Variants in AK4 observed in about 807,000 individuals in gnomAD.
The protein encoded by AK4 is adenylate kinase 4.
Under a neutral mutation model 24.6 loss-of-function variants are expected in AK4, and 13 were observed. The ratio of observed to expected loss-of-function variants is 0.53; its 90% CI spans 0.34 to 0.84. The LOEUF is 0.84. AK4 is among the 40% of genes least tolerant of loss of function. The pLI is 0.01. For synonymous variants in AK4, 88 were observed against 107.0 expected (o/e 0.82, Z 1.10); for missense variants, 192 against 288.2 (o/e 0.67, Z 2.42).
At chr1:65,198,080 G>A (rs1222545425) in intron 2 of AK4, among the ~76,000 whole-genome samples, 2 of 152,128 alleles carry the variant, frequency 1.3e-5, no homozygotes, top group South Asian at 2.1e-4. Context: ...GTGTAGGAGG[G>A]CAGTAGTTTA....
At chr1:65,202,807 G>A (rs373171468) in intron 2 of AK4, among the ~76,000 whole-genome samples, 1 of 149,992 alleles carries the variant, frequency 6.7e-6, no homozygotes, top group African/African-American at 2.4e-5. Context: ...GATAGAAAAA[G>A]CATGGGTTTA....
intron 2 of AK4, among the ~76,000 whole-genome samples, chr1:65,209,296 A>G (rs976469258): frequency 2.0e-5 from 3 of 152,230 alleles, no homozygotes; most frequent in Non-Finnish European, 2.9e-5. Flanking sequence ...TACTTCTTCA[A>G]CAATTAATGG....
At chr1:65,190,453 G>T (rs1018948018) in intron 1 of AK4, among the ~76,000 whole-genome samples, 2 of 148,698 alleles carry the variant, frequency 1.3e-5, no homozygotes, top group South Asian at 2.2e-4. Flanking sequence ...TTTTTTTGGG[G>T]GGGGGGCGGG....
intron 2 of AK4, among the ~76,000 whole-genome samples, chr1:65,197,601 T>C (rs945172548): frequency 5.9e-5 from 9 of 152,220 alleles, no homozygotes; most frequent in Admixed American, 2.0e-4. Context: ...TGTTTGAATG[T>C]GTGCAGTGTT....
At chr1:65,196,415 A>C (rs560422973) in intron 2 of AK4, among the ~76,000 whole-genome samples, 1 of 152,110 alleles carries the variant, frequency 6.6e-6, no homozygotes, top group Non-Finnish European at 1.5e-5. Context: ...AAAAAAGTTC[A>C]GCACTACCTT....
intron 1 of AK4, among the ~76,000 whole-genome samples, chr1:65,178,463 G>C (rs1297415372): frequency 6.6e-6 from 1 of 152,140 alleles, no homozygotes; most frequent in Non-Finnish European, 1.5e-5. Flanking sequence ...TTACTCAGCT[G>C]GGGGCCCACA....
chr1:65,148,489 A>G lies in AK4; in HGVS notation c.82A>G (p.Asn28Asp). 2 of 1,582,780 alleles carry G rather than the reference A, an allele frequency of 1.3e-6. No homozygotes were observed. The highest frequency in any genetic ancestry group is 1.7e-6 in the Non-Finnish European group (2 of 1,165,190). The change falls in exon 1 of 5, where the codon AAC (asparagine) becomes GAC (aspartate). Residue 28 changes from asparagine to aspartate, a missense_variant. Coordinates refer to ENST00000327299, the MANE Select transcript of AK4 (RefSeq NM_013410.4). Reference sequence around the variant, plus strand: ...CACCGTGTGCCAGAGGATCGCCCAGAACTTTGGTCTCCAGCATCTCTCCAG... The same window carrying G: ...CACCGTGTGCCAGAGGATCGCCCAGGACTTTGGTCTCCAGCATCTCTCCAG... ...KGTVCQRIAQ[N>D]FGLQHLSSGH...
intron 1 of AK4, among the ~76,000 whole-genome samples, chr1:65,152,313 GCTATCT>G (rs1408824451): frequency 6.4e-4 from 40 of 62,898 alleles, no homozygotes; most frequent in African/African-American, 2.4e-3. Flanking sequence ...TTCTGCACTT[GCTATCT>G]CTCTCTCTCT....
intron 1 of AK4, among the ~76,000 whole-genome samples, chr1:65,184,891 A>G (rs532245524): frequency 4.1e-4 from 63 of 152,332 alleles, no homozygotes; most frequent in Non-Finnish European, 6.2e-4. Flanking sequence ...TTGATCTTGT[A>G]TCAGGTTAGA....
At chr1:65,202,391 C>T (rs1016469191) in intron 2 of AK4, among the ~76,000 whole-genome samples, 7 of 151,938 alleles carry the variant, frequency 4.6e-5, no homozygotes, top group Non-Finnish European at 7.4e-5. Flanking sequence ...AGTGAGACTC[C>T]GTCTCAAAAA....
intron 1 of AK4, among the ~76,000 whole-genome samples, chr1:65,188,950 A>AT (rs981733553): frequency 3.6e-4 from 53 of 146,368 alleles, no homozygotes; most frequent in Non-Finnish European, 5.6e-4. Context: ...TTTTATTTTT[A>AT]TTTTTTTTGC....
chr1:65,218,703 T>C (rs1347144500), intron 2 of AK4, 51 bp from the exon 3 acceptor site: 1 of 1,496,800 alleles, frequency 6.7e-7, no homozygotes, highest in South Asian at 1.4e-5. Context: ...CAAGAACTAA[T>C]TGGAACTGGG....
At chr1:65,224,642 A>G (rs1303467736) in intron 3 of AK4, 110 bp from the exon 4 acceptor site, 1 of 774,094 alleles carries the variant, frequency 1.3e-6, no homozygotes, top group Non-Finnish European at 2.2e-6. Context: ...GGCCTAATTC[A>G]TCATGTGGTA....
chr1:65,200,896 G>A (rs915429667), intron 2 of AK4, among the ~76,000 whole-genome samples: 1 of 151,880 alleles, frequency 6.6e-6, no homozygotes, highest in African/African-American at 2.4e-5. Context: ...TTGGGTTCAA[G>A]CGATTCTCCT....
At position 65,226,810 on chromosome 1, in the gene AK4, T is replaced by C. The variant is rs1381325913; in HGVS notation, c.*633T>C. 1.4e-5 allele frequency: 2 copies of C among 145,948 alleles called. No individual in the cohort carries two copies. The highest frequency in any genetic ancestry group is 3.0e-5 in the Non-Finnish European group (2 of 67,508). The allele number at this position is 145,948 out of a possible 1,614,324, so 9.0% of individuals were successfully genotyped here. A position where few individuals can be genotyped will look rare whatever the true frequency, so the allele number is the denominator to read the frequency against. Reference sequence around the variant, plus strand: ...CCTGGGATGAAAGAATTTGGCTTTTTTTTTTCTTTTTTTTTTTGGACATCT... The same window carrying C: ...CCTGGGATGAAAGAATTTGGCTTTTCTTTTTCTTTTTTTTTTTGGACATCT... On this transcript the variant is annotated 3_prime_UTR_variant, in exon 5 of 5. Coordinates refer to ENST00000327299, the MANE Select transcript of AK4 (RefSeq NM_013410.4).
intron 2 of AK4, among the ~76,000 whole-genome samples, chr1:65,205,572 G>A (rs1013356266): frequency 2.0e-5 from 3 of 152,030 alleles, no homozygotes; most frequent in African/African-American, 7.2e-5. Flanking sequence ...TTTTCACCCC[G>A]TATAGACTTT....
chr1:65,205,776 T>G (rs961439331), intron 2 of AK4, among the ~76,000 whole-genome samples: 3 of 152,250 alleles, frequency 2.0e-5, no homozygotes, highest in Admixed American at 2.0e-4. Flanking sequence ...TATTGGATAT[T>G]CTATTGACTA....
At chr1:65,191,693 G>C (rs1651314888) in intron 2 of AK4, among the ~76,000 whole-genome samples, 1 of 152,002 alleles carries the variant, frequency 6.6e-6, no homozygotes, top group Admixed American at 6.6e-5. Flanking sequence ...TGGTGGAACT[G>C]GATTTTGTTG....
chr1:65,229,737 CTTACCTA>C lies in AK4; in HGVS notation c.*3562_*3568del. 1 of 152,352 alleles carries C rather than the reference CTTACCTA, an allele frequency of 6.6e-6. No individual in the cohort carries two copies. Among genetic ancestry groups the C allele is most frequent in the East Asian group, 1.9e-4 (1 of 5,172 alleles). The allele number at this position is 152,352 out of a possible 1,614,324, so 9.4% of individuals were successfully genotyped here. A position where few individuals can be genotyped will look rare whatever the true frequency, so the allele number is the denominator to read the frequency against. ...CTATGAAGGAAGCAAGCTCGTGTTCCTTACCTATCCTTTTGGTGTCCATTGGATTGTG... is the reference window on the plus strand; with the variant it reads ...CTATGAAGGAAGCAAGCTCGTGTTCCTCCTTTTGGTGTCCATTGGATTGTG... On this transcript the variant is annotated 3_prime_UTR_variant, in exon 5 of 5. Transcript: ENST00000327299.
Sources: gnomAD v4.1 joint callset for allele counts (sites outside exome capture counted in the v4.1 genomes callset) on GRCh38, gnomAD v4.1.1 for gene constraint, MANE v1.5 for transcripts, NCBI Gene and HGNC (gene_info 2026-07-23, HGNC 2026-07-21) for gene names.